Variants in TCF7L2 observed in about 807,000 individuals in gnomAD.
TCF7L2 encodes the protein transcription factor 7-like 2.
A neutral mutation model predicts 77.9 loss-of-function variants in TCF7L2; 23 were observed. The ratio of observed to expected loss-of-function variants is 0.30; its 90% CI spans 0.21 to 0.42. The LOEUF is 0.42. Ranked by LOEUF, TCF7L2 falls within the 10% of genes least tolerant of loss-of-function variation. TCF7L2 has a pLI of 1.00. For missense variants in TCF7L2, 654 were observed against 793.1 expected (o/e 0.82, Z 2.11); for synonymous variants, 413 against 340.2 (o/e 1.21, Z -2.36).
intron 5 of TCF7L2, among the ~76,000 whole-genome samples, chr10:113,096,010 T>C (rs1334612299): frequency 6.6e-6 from 1 of 152,184 alleles, no homozygotes; most frequent in Non-Finnish European, 1.5e-5. Context: ...CCACAGTTGA[T>C]TGTTTTGGCT....
chr10:113,116,237 A>G (rs953274313), intron 5 of TCF7L2, among the ~76,000 whole-genome samples: 2 of 151,992 alleles, frequency 1.3e-5, no homozygotes, highest in African/African-American at 4.8e-5. Context: ...ATATGTTCTT[A>G]TATTTGCCAG....
chr10:113,070,986 G>A (rs954677632), intron 5 of TCF7L2, among the ~76,000 whole-genome samples: 1 of 152,070 alleles, frequency 6.6e-6, no homozygotes, highest in African/African-American at 2.4e-5. Context: ...TATATTTTCT[G>A]CATCTATGGA....
chr10:113,116,698 A>T (rs2063775187), intron 5 of TCF7L2, among the ~76,000 whole-genome samples: 1 of 151,188 alleles, frequency 6.6e-6, no homozygotes, highest in Non-Finnish European at 1.5e-5. Flanking sequence ...TTTTTTAAAA[A>T]GGGTTAAATA....
chr10:113,136,418 CAT>C (rs1282635847), intron 5 of TCF7L2, among the ~76,000 whole-genome samples: 1 of 152,140 alleles, frequency 6.6e-6, no homozygotes, highest in East Asian at 1.9e-4. Flanking sequence ...GTGAGTTATT[CAT>C]ATATGAGTGT....
Position 113,166,277 on chromosome 10 carries a change from G to A in TCF7L2, c.*305G>A, listed in dbSNP as rs539124719. 8 of 269,458 alleles carry A rather than the reference G, an allele frequency of 3.0e-5. No individual in the cohort carries two copies. The South Asian group carries it at 1.2e-3, about 40-fold the overall frequency. 16.7% of individuals were successfully genotyped at this position (269,458 alleles called of 1,614,324 possible). On this transcript the variant is annotated 3_prime_UTR_variant, in exon 14 of 14. Coordinates refer to ENST00000627217, the MANE Select transcript of TCF7L2 (RefSeq NM_001146274.2). ...ATATACATAACTGTTATGTAGTTCG[G>A]ATAGCTTAGTTTTAAAAGACTGATT...
At chr10:113,053,683 G>A (rs919447288) in intron 5 of TCF7L2, among the ~76,000 whole-genome samples, 1 of 152,226 alleles carries the variant, frequency 6.6e-6, no homozygotes, top group African/African-American at 2.4e-5. Flanking sequence ...TTACAGAACT[G>A]ATGCCTTGAG....
At chr10:112,963,827 G>A (rs1307709930) in intron 3 of TCF7L2, among the ~76,000 whole-genome samples, 1 of 152,180 alleles carries the variant, frequency 6.6e-6, no homozygotes, top group Non-Finnish European at 1.5e-5. Context: ...GAGGGTCTGA[G>A]CCAATCAGTG....
At chr10:112,986,239 G>T (rs986154869) in intron 4 of TCF7L2, among the ~76,000 whole-genome samples, 3 of 152,062 alleles carry the variant, frequency 2.0e-5, no homozygotes, top group Non-Finnish European at 4.4e-5. Flanking sequence ...TGCATGGGGG[G>T]AGTGAGTCAG....
At chr10:113,032,002 G>C (rs780225382) in intron 4 of TCF7L2, among the ~76,000 whole-genome samples, 1 of 152,236 alleles carries the variant, frequency 6.6e-6, no homozygotes, top group African/African-American at 2.4e-5. Context: ...TAGGCAAAGC[G>C]TGGAGAAGAG....
chr10:112,959,993 T>A (rs968827256), intron 3 of TCF7L2, among the ~76,000 whole-genome samples: 3 of 148,226 alleles, frequency 2.0e-5, no homozygotes, highest in Admixed American at 6.8e-5. Flanking sequence ...TTTTTTTTTT[T>A]AATATAGATA....
chr10:113,047,190 A>G (rs2053608533), intron 5 of TCF7L2, among the ~76,000 whole-genome samples: 1 of 152,086 alleles, frequency 6.6e-6, no homozygotes, highest in African/African-American at 2.4e-5. Context: ...CTTGGGATAG[A>G]CCCCAGGACA....
rs147575235 is a variant in TCF7L2, at chr10:112,977,845, C to A, written c.450+13221C>A. ...CTGCACTAATGGCGGGGAAAGGCAGCAATGACCAAACGATGTACTGCCTGC... is the reference window on the plus strand; with the variant it reads ...CTGCACTAATGGCGGGGAAAGGCAGAAATGACCAAACGATGTACTGCCTGC... On this transcript the variant is annotated intron_variant, in intron 4 of 13. Coordinates refer to ENST00000627217, the MANE Select transcript of TCF7L2 (RefSeq NM_001146274.2). Among the ~76,000 whole-genome samples the A allele has an allele frequency of 4.6e-3, 696 of 152,234 alleles. 9 individuals are homozygous for A. The highest frequency in any genetic ancestry group is 0.026 in the South Asian group (127 of 4,818).
intron 5 of TCF7L2, among the ~76,000 whole-genome samples, chr10:113,139,155 A>C (rs10787476): frequency 0.081 from 12,329 of 152,078 alleles, 967 homozygotes; most frequent in Admixed American, 0.24. Flanking sequence ...GCTTTCTTTC[A>C]TGTCAGCGGG....
chr10:113,134,773 C>A (rs183367002), intron 5 of TCF7L2, among the ~76,000 whole-genome samples: 3 of 152,312 alleles, frequency 2.0e-5, no homozygotes, highest in Admixed American at 6.5e-5. Flanking sequence ...CTTCCTGATG[C>A]TGATTTCAGC....
chr10:113,147,190 C>T (rs1423665506), intron 8 of TCF7L2, among the ~76,000 whole-genome samples: 2 of 152,122 alleles, frequency 1.3e-5, no homozygotes, highest in Admixed American at 6.5e-5. Flanking sequence ...AATCACCAAC[C>T]CATTCTGATG....
intron 5 of TCF7L2, among the ~76,000 whole-genome samples, chr10:113,100,239 C>T (rs894189943): frequency 2.7e-4 from 41 of 152,164 alleles, no homozygotes; most frequent in African/African-American, 9.7e-4. Flanking sequence ...AGAAGAAGAA[C>T]GAAGTAGCCA....
chr10:112,964,133 C>A (rs1055211148), intron 3 of TCF7L2, among the ~76,000 whole-genome samples: 1 of 152,154 alleles, frequency 6.6e-6, no homozygotes, highest in Non-Finnish European at 1.5e-5. Flanking sequence ...CTTGTGGCTT[C>A]TCATAATCTT....
At chr10:112,962,331 C>G (rs1290359736) in intron 3 of TCF7L2, among the ~76,000 whole-genome samples, 1 of 151,184 alleles carries the variant, frequency 6.6e-6, no homozygotes, top group East Asian at 2.0e-4. Context: ...GAGAATAAAA[C>G]CAACTGAAAA....
intron 5 of TCF7L2, among the ~76,000 whole-genome samples, chr10:113,115,161 A>G (rs1442998012): frequency 6.6e-6 from 1 of 152,196 alleles, no homozygotes; most frequent in Non-Finnish European, 1.5e-5. Context: ...TTTTGCTGGA[A>G]AGCATGTTTT....
Sources: allele counts gnomAD v4.1 joint callset (sites outside exome capture counted in the v4.1 genomes callset), GRCh38; gene constraint gnomAD v4.1.1; transcripts MANE v1.5; gene names NCBI Gene and HGNC (gene_info 2026-07-23, HGNC 2026-07-21).